Variants in DDX60 observed in about 807,000 individuals in gnomAD.
DDX60 encodes probable ATP-dependent RNA helicase DDX60.
A neutral mutation model predicts 212.8 loss-of-function variants in DDX60; 165 were observed. That is an observed-to-expected ratio of 0.78 (90% CI 0.68 to 0.88). The LOEUF (loss-of-function observed/expected upper bound fraction) is 0.88, where lower values mean the gene tolerates loss of function less well. Among genes scored for constraint, DDX60 ranks in the 40% least tolerant of loss-of-function variants. The pLI is 0.00. For synonymous variants in DDX60, 703 were observed against 685.3 expected, an observed-to-expected ratio of 1.03 and a Z score of -0.40; for missense variants, 1,905 against 2,003.9, an observed-to-expected ratio of 0.95 and a Z score of 0.94.
intron 30 of DDX60, among the ~76,000 whole-genome samples, chr4:168,240,298 A>G (rs1161405376): frequency 1.3e-5 from 2 of 152,140 alleles, no homozygotes; most frequent in African/African-American, 2.4e-5. Flanking sequence ...AGAACTACAA[A>G]CCACTGCTCA....
chr4:168,268,803 A>G (rs1734960345), intron 20 of DDX60, 51 bp downstream of exon 20: 3 of 1,018,896 alleles, frequency 2.9e-6, no homozygotes, highest in Non-Finnish European at 4.3e-6. Context: ...TATGAAATTC[A>G]AATATTCAAA....
rs184535664 is a variant in DDX60, at chr4:168,231,999, A to C, written c.4533+4253T>G. On this transcript the variant is annotated intron_variant, in intron 33 of 37. Transcript: ENST00000393743. Reference sequence around the variant, plus strand: ...CGTCTAAAAAGCTCCTAGAACTGATAAATGAATTCAGTAAAGTTTCAGGAT... The same window carrying C: ...CGTCTAAAAAGCTCCTAGAACTGATCAATGAATTCAGTAAAGTTTCAGGAT... 2.8e-3 allele frequency among the ~76,000 whole-genome samples: 433 copies of C among 152,248 alleles called. 1 individual carries two copies. The highest frequency in any genetic ancestry group is 4.5e-3 in the Admixed American group (69 of 15,272).
At chr4:168,236,510 C>G (rs1233690781) in intron 32 of DDX60, 137 bp from the exon 33 acceptor site, 10 of 709,328 alleles carry the variant, frequency 1.4e-5, no homozygotes, top group East Asian at 1.2e-4. Flanking sequence ...GAAGAATTAC[C>G]ATATATCCGC....
At chr4:168,262,546 T>A (rs1734664618) in intron 23 of DDX60, 137 bp downstream of exon 23, 1 of 597,334 alleles carries the variant, frequency 1.7e-6, no homozygotes, top group Admixed American at 3.2e-5. Flanking sequence ...ATGTTAGAAA[T>A]ATGAGAAGAG....
Position 168,280,662 on chromosome 4 carries a change from A to G in DDX60, c.1723-72T>C, listed in dbSNP as rs1325474723. On this transcript the variant is annotated intron_variant, in intron 13 of 37. Transcript: ENST00000393743. ...CAAGATAACAGGTCATGAGTGAGACAATATTATGGGTGTATTGAAGACTTT... is the reference window on the plus strand; with the variant it reads ...CAAGATAACAGGTCATGAGTGAGACGATATTATGGGTGTATTGAAGACTTT... 14 of 1,483,414 alleles carry G rather than the reference A, an allele frequency of 9.4e-6. No individual in the cohort carries two copies. In the East Asian group the frequency reaches 2.7e-4, roughly 29 times the overall value. The allele number at this position is 1,483,414 out of a possible 1,614,324, so 91.9% of individuals were successfully genotyped here.
intron 6 of DDX60, among the ~76,000 whole-genome samples, chr4:168,300,060 C>T (rs1579072636): frequency 6.6e-6 from 1 of 152,176 alleles, no homozygotes; most frequent in East Asian, 1.9e-4. Flanking sequence ...TGTTAGTAAA[C>T]AGAATCCAAC....
intron 1 of DDX60, among the ~76,000 whole-genome samples, chr4:168,315,787 T>TGG (rs1737343841): frequency 6.6e-6 from 1 of 152,228 alleles, no homozygotes; most frequent in African/African-American, 2.4e-5. Context: ...TAGTGTTCCA[T>TGG]GGGGTATATG....
At chr4:168,318,446 C>G (rs1737500854) in intron 1 of DDX60, among the ~76,000 whole-genome samples, 176 bp downstream of exon 1, 1 of 152,392 alleles carries the variant, frequency 6.6e-6, no homozygotes, top group African/African-American at 2.4e-5. Context: ...GCCTTCCGGG[C>G]CAGCAGGGGG....
At chr4:168,260,361 G>T (rs1326245820) in intron 25 of DDX60, among the ~76,000 whole-genome samples, 1 of 152,054 alleles carries the variant, frequency 6.6e-6, no homozygotes, top group Non-Finnish European at 1.5e-5. Flanking sequence ...GAGAACATGC[G>T]GTTTTTAAAC....
At chr4:168,225,422 G>A (rs751354480) in intron 34 of DDX60, 107 bp downstream of exon 34, 122 of 1,209,780 alleles carry the variant, frequency 1.0e-4, no homozygotes, top group Non-Finnish European at 1.3e-4. Context: ...CTCACTTGAG[G>A]GCAAAATAAA....
At chr4:168,248,326 T>C (rs756921467) in intron 28 of DDX60, 34 bp from the exon 29 acceptor site, 6 of 1,478,778 alleles carry the variant, frequency 4.1e-6, no homozygotes, top group Non-Finnish European at 5.5e-6. Context: ...CTTCATAAAA[T>C]AGCATTTTAA....
intron 33 of DDX60, among the ~76,000 whole-genome samples, chr4:168,227,576 T>G (rs1733301339): frequency 6.6e-6 from 1 of 151,916 alleles, no homozygotes; most frequent in Admixed American, 6.6e-5. Context: ...TGTTCTCATT[T>G]TATTATTTCT....
chr4:168,290,680 A>G lies in DDX60; in HGVS notation c.1041+1068T>C, dbSNP rs184243268. On this transcript the variant is annotated intron_variant, in intron 8 of 37. Transcript: ENST00000393743. ...CTGTCTTCATTTCTTAAGAAACACC[A>G]TCGTTTTCAGACTACGTTGGATCTT... 7.1e-3 allele frequency among the ~76,000 whole-genome samples: 1,077 copies of G among 152,032 alleles called. 6 individuals carry two copies. Among genetic ancestry groups the G allele is most frequent in the Non-Finnish European group, 0.011 (772 of 67,962 alleles).
intron 25 of DDX60, among the ~76,000 whole-genome samples, chr4:168,259,539 T>C (rs1267438312): frequency 6.6e-6 from 1 of 151,982 alleles, no homozygotes; most frequent in Non-Finnish European, 1.5e-5. Context: ...ATATGTCTGT[T>C]TACATGTGAG....
At chr4:168,324,630 C>CCTCTGCTCATCTTGA in the DDX60 span, among the ~76,000 whole-genome samples, 1 of 152,198 alleles carries the variant, frequency 6.6e-6, no homozygotes, top group Non-Finnish European at 1.5e-5. Flanking sequence ...CAGTTATGTT[C>CCTCTGCTCATCTTGA]CTCTGCTCAT....
intron 30 of DDX60, among the ~76,000 whole-genome samples, chr4:168,238,952 T>C (rs1473897653): frequency 6.6e-6 from 1 of 152,108 alleles, no homozygotes; most frequent in African/African-American, 2.4e-5. Flanking sequence ...TGAAAGGGTA[T>C]TTGATTAGCA....
chr4:168,225,023 A>C (rs1468054412), intron 34 of DDX60, among the ~76,000 whole-genome samples: 1 of 152,026 alleles, frequency 6.6e-6, no homozygotes, highest in Non-Finnish European at 1.5e-5. Flanking sequence ...ATTTTCATAT[A>C]TGTTAACTTA....
intron 32 of DDX60, among the ~76,000 whole-genome samples, 194 bp downstream of exon 32, chr4:168,237,092 T>C (rs138091027): frequency 1.1e-4 from 17 of 151,940 alleles, no homozygotes; most frequent in Non-Finnish European, 1.8e-4. Flanking sequence ...TGTAAATACA[T>C]GTCATAAAAC....
intron 1 of DDX60, among the ~76,000 whole-genome samples, chr4:168,312,432 C>T (rs1026354103): frequency 1.3e-5 from 2 of 151,324 alleles, no homozygotes; most frequent in Admixed American, 1.3e-4. Flanking sequence ...TGTAGATGAG[C>T]TTGCTTGGAC....
Sources: allele counts gnomAD v4.1 joint callset (sites outside exome capture counted in the v4.1 genomes callset), GRCh38; gene constraint gnomAD v4.1.1; transcripts MANE v1.5; gene names NCBI Gene and HGNC (gene_info 2026-07-23, HGNC 2026-07-21).